Variants in TSPAN9 observed in about 807,000 individuals in gnomAD.
TSPAN9 encodes tetraspanin 9.
A neutral mutation model predicts 31.0 loss-of-function variants in TSPAN9; 16 were observed. The ratio of observed to expected loss-of-function variants is 0.52; its 90% CI spans 0.35 to 0.78. TSPAN9 has a LOEUF of 0.78. Ranked by LOEUF, TSPAN9 falls within the 30% of genes least tolerant of loss-of-function variation. The pLI is 0.01. For missense variants in TSPAN9, 272 were observed against 312.5 expected (o/e 0.87, Z 0.98); for synonymous variants, 145 against 121.6 (o/e 1.19, Z -1.27).
chr12:3,134,598 C>T (rs4766048), intron 2 of TSPAN9, among the ~76,000 whole-genome samples: 57,299 of 151,986 alleles, frequency 0.38, 12,000 homozygotes, highest in Admixed American at 0.5. Context: ...CCTTGGGTCA[C>T]AGGCAGATGG....
At chr12:3,176,262 G>A (rs1051037624) in intron 2 of TSPAN9, among the ~76,000 whole-genome samples, 17 of 152,208 alleles carry the variant, frequency 1.1e-4, no homozygotes, top group Non-Finnish European at 1.8e-4. Context: ...AATGGGGGGA[G>A]CCCAGCGATT....
At chr12:3,194,651 T>C (rs1478588232) in intron 2 of TSPAN9, among the ~76,000 whole-genome samples, 1 of 152,158 alleles carries the variant, frequency 6.6e-6, no homozygotes, top group African/African-American at 2.4e-5. Flanking sequence ...CCTCTCAAAG[T>C]TTTGGGATTA....
At chr12:3,275,823 A>T (rs1215234959) in intron 3 of TSPAN9, among the ~76,000 whole-genome samples, 1 of 152,144 alleles carries the variant, frequency 6.6e-6, no homozygotes, top group East Asian at 1.9e-4. Flanking sequence ...GACGTAAATC[A>T]TTCGGACCCC....
chr12:3,087,632 C>A (rs2001429), intron 2 of TSPAN9, among the ~76,000 whole-genome samples: 13,239 of 151,930 alleles, frequency 0.087, 1,780 homozygotes, highest in African/African-American at 0.29. Flanking sequence ...ATGGTGAAAC[C>A]CCATCTCTAC....
At chr12:3,243,510 C>T (rs746864021) in intron 3 of TSPAN9, among the ~76,000 whole-genome samples, 10 of 152,244 alleles carry the variant, frequency 6.6e-5, no homozygotes, top group Non-Finnish European at 1.3e-4. Context: ...CCGATCCCCT[C>T]ATCCCCACAG....
chr12:3,139,261 C>T (rs971843716), intron 2 of TSPAN9, among the ~76,000 whole-genome samples: 1 of 152,212 alleles, frequency 6.6e-6, no homozygotes, highest in African/African-American at 2.4e-5. Context: ...GGGTTGTTCT[C>T]GATCCTTCCG....
Position 3,193,643 on chromosome 12 carries a change from A to G in TSPAN9, c.-17-7534A>G, listed in dbSNP as rs527884805. On this transcript the variant is annotated intron_variant, in intron 2 of 8. Transcript: ENST00000011898. ...GAGAGGTGACACGCAACACTAGGGAATGTGTAAGGGTTCACCAGAGACTTG... is the reference window on the plus strand; with the variant it reads ...GAGAGGTGACACGCAACACTAGGGAGTGTGTAAGGGTTCACCAGAGACTTG... 2.6e-5 allele frequency among the ~76,000 whole-genome samples: 4 copies of G among 152,178 alleles called. No homozygotes were observed. In the South Asian group the frequency reaches 8.3e-4, roughly 32 times the overall value.
intron 2 of TSPAN9, among the ~76,000 whole-genome samples, chr12:3,134,781 G>C (rs1287241340): frequency 6.6e-6 from 1 of 152,202 alleles, no homozygotes; most frequent in Non-Finnish European, 1.5e-5. Context: ...GCTGAGAGCA[G>C]GGGCTAGCTC....
intron 3 of TSPAN9, among the ~76,000 whole-genome samples, chr12:3,234,984 C>A (rs1465548540): frequency 6.1e-5 from 9 of 148,240 alleles, no homozygotes; most frequent in African/African-American, 2.2e-4. Context: ...CACGGTGAAA[C>A]CCCATCTCTA....
intron 2 of TSPAN9, among the ~76,000 whole-genome samples, chr12:3,095,714 G>A (rs1253148587): frequency 5.9e-4 from 89 of 151,498 alleles, no homozygotes; most frequent in African/African-American, 2.1e-3. Flanking sequence ...CGGGGCAGAG[G>A]CGCTCCCCAC....
intron 3 of TSPAN9, among the ~76,000 whole-genome samples, chr12:3,210,049 T>C (rs1180757621): frequency 3.0e-5 from 4 of 132,986 alleles, no homozygotes; most frequent in Non-Finnish European, 6.2e-5. Context: ...GGCAGGAGAA[T>C]GGCATCAACC....
intron 2 of TSPAN9, among the ~76,000 whole-genome samples, chr12:3,185,783 G>T (rs761011372): frequency 2.6e-5 from 4 of 152,220 alleles, no homozygotes; most frequent in African/African-American, 4.8e-5. Flanking sequence ...GTGTTTTGGG[G>T]GGTTTCTTCT....
At chr12:3,205,673 A>G (rs1409615234) in intron 3 of TSPAN9, among the ~76,000 whole-genome samples, 3 of 151,658 alleles carry the variant, frequency 2.0e-5, no homozygotes, top group Admixed American at 2.0e-4. Context: ...TGGCATCTCC[A>G]GGCAGAGGAG....
At chr12:3,174,825 T>G (rs12580592) in intron 2 of TSPAN9, among the ~76,000 whole-genome samples, 54,943 of 150,240 alleles carry the variant, frequency 0.37, 12,269 homozygotes, top group African/African-American at 0.63. Context: ...CTCGTGATCC[T>G]CCCGCCTCGG....
intron 2 of TSPAN9, among the ~76,000 whole-genome samples, chr12:3,095,640 C>T (rs2098308003): frequency 1.4e-5 from 2 of 142,322 alleles, no homozygotes; most frequent in African/African-American, 2.6e-5. Context: ...TGACCCCCCC[C>T]ACCTCCCTCC....
chr12:3,233,967 C>T (rs7139181), intron 3 of TSPAN9, among the ~76,000 whole-genome samples: 2 of 151,996 alleles, frequency 1.3e-5, no homozygotes, highest in African/African-American at 2.4e-5. Flanking sequence ...ACTCCCATCT[C>T]GGAGCCCCCA....
intron 3 of TSPAN9, among the ~76,000 whole-genome samples, chr12:3,252,534 G>T (rs760086726): frequency 2.0e-5 from 3 of 152,234 alleles, no homozygotes; most frequent in Non-Finnish European, 4.4e-5. Context: ...GGGTGGGGAC[G>T]GAGCCCCCTC....
rs1344937611 is a variant in TSPAN9 at position 3,198,756 on chromosome 12, T to C, written c.-17-2421T>C. Among the ~76,000 whole-genome samples, 70 of 26,682 alleles carry C rather than the reference T, an allele frequency of 2.6e-3. 3 individuals carry two copies. Among genetic ancestry groups the C allele is most frequent in the Middle Eastern group, 0.033 (1 of 30 alleles). The allele number at this position is 26,682 out of a possible 152,430, so 17.5% of individuals were successfully genotyped here. A position where few individuals can be genotyped will look rare whatever the true frequency, so the allele number is the denominator to read the frequency against. On this transcript the variant is annotated intron_variant, in intron 2 of 8. Transcript: ENST00000011898. The stretch of plus-strand genomic sequence containing the variant: ...CAGCACAGGCCACCACCAGCACAGC[T>C]CACCACCAGCACAGGCCACCACCAG...
At position 3,114,212 on chromosome 12, in the gene TSPAN9, C is replaced by A. The variant is rs146836518; in HGVS notation, c.-18+30493C>A. ...AGCATAGAAGTGGCTGCAGACACTA[C>A]GTAAATGAATGCAGCTGTGTTCCAA... is the stretch of plus-strand genomic sequence containing the variant. On this transcript the variant is annotated intron_variant, in intron 2 of 8. Transcript: ENST00000011898. 3.3e-5 allele frequency among the ~76,000 whole-genome samples: 5 copies of A among 152,312 alleles called. No individual in the cohort carries two copies. In the South Asian group the frequency reaches 1.0e-3, roughly 32 times the overall value.
Sources: gnomAD v4.1 joint callset for allele counts (sites outside exome capture counted in the v4.1 genomes callset) on GRCh38, gnomAD v4.1.1 for gene constraint, MANE v1.5 for transcripts, NCBI Gene and HGNC (gene_info 2026-07-23, HGNC 2026-07-21) for gene names.